ZFYVE9: variants seen among roughly 807,000 people sequenced by gnomAD.
The protein encoded by ZFYVE9 is zinc finger FYVE-type containing 9, also known as zinc finger FYVE domain-containing protein 9.
In ZFYVE9, 43 loss-of-function variants were observed where a neutral mutation model predicts 126.7. The ratio of observed to expected loss-of-function variants is 0.34; its 90% CI spans 0.27 to 0.44. ZFYVE9 has a LOEUF of 0.44. ZFYVE9 is among the 20% of genes least tolerant of loss of function. ZFYVE9 has a pLI of 1.00. For synonymous variants in ZFYVE9, 521 were observed against 597.4 expected (o/e 0.87, Z 1.87); for missense variants, 1,476 against 1,697.0 (o/e 0.87, Z 2.29).
intron 1 of ZFYVE9, among the ~76,000 whole-genome samples, chr1:52,198,659 A>AT (rs1359288613): frequency 6.6e-6 from 1 of 152,198 alleles, no homozygotes; most frequent in Non-Finnish European, 1.5e-5. Flanking sequence ...TAAGTGAAAT[A>AT]TATCACTTGC....
rs1644272797 is a variant in ZFYVE9 at position 52,142,830 on chromosome 1, G to A, written c.-143+427G>A. On this transcript the variant is annotated intron_variant, in intron 1 of 18. Transcript: ENST00000287727. The surrounding 1 kb of genome is among the most constrained non-coding windows in gnomAD (Gnocchi z 4.5). ...CGAGTCCCTCAGAATCCCGGTTGTG[G>A]CGGGGAAAGGGGGAGGAGAGGAAGG... is the stretch of plus-strand genomic sequence containing the variant. 6.6e-6 allele frequency among the ~76,000 whole-genome samples: 1 copy of A among 152,216 alleles called. No homozygotes were observed. Among genetic ancestry groups the A allele is most frequent in the African/African-American group, 2.4e-5 (1 of 41,462 alleles).
chr1:52,209,969 A>T (rs967382225), intron 1 of ZFYVE9, among the ~76,000 whole-genome samples: 4 of 152,178 alleles, frequency 2.6e-5, no homozygotes, highest in Non-Finnish European at 5.9e-5. Flanking sequence ...GGGCAGGGAG[A>T]CTAGGATTCT....
chr1:52,176,209 C>CT (rs1644626709), intron 1 of ZFYVE9, among the ~76,000 whole-genome samples: 1 of 152,194 alleles, frequency 6.6e-6, no homozygotes, highest in Non-Finnish European at 1.5e-5. Context: ...AGTTTTCCTT[C>CT]TAACAGATAG....
chr1:52,326,376 T>C (rs1031257730), intron 13 of ZFYVE9, among the ~76,000 whole-genome samples: 18 of 152,166 alleles, frequency 1.2e-4, no homozygotes, highest in Non-Finnish European at 2.5e-4. Context: ...AGAGTACTTA[T>C]TATATGTTTG....
Position 52,239,406 on chromosome 1 carries a change from A to G in ZFYVE9, c.1989A>G (p.Ala663=), listed in dbSNP as rs1266312823. 2 of 1,614,214 alleles carry G rather than the reference A, an allele frequency of 1.2e-6. No individual in the cohort carries two copies. Among genetic ancestry groups the G allele is most frequent in the African/African-American group, 1.3e-5 (1 of 75,068 alleles). ...AGATCTCCACTAGACCATGCCTTGC[A>G]TTAGCTCCAGATAGCCCAGATAATG... ...EAEISTRPCL[A]LAPDSPDNDL... The change falls in exon 4 of 19, where the codon GCA becomes GCG. Residue 663 remains alanine (A), a synonymous_variant. Transcript: ENST00000287727.
At chr1:52,346,005 C>CTG in intron 18 of ZFYVE9, 55 bp from the exon 19 acceptor site, 1 of 1,487,600 alleles carries the variant, frequency 6.7e-7, no homozygotes, top group South Asian at 1.4e-5. Context: ...GCCCTCAGCC[C>CTG]TGGAGAGGCC....
rs1275963016 is a variant in ZFYVE9 at position 52,346,263 on chromosome 1, C to A, written c.*42C>A. 1.3e-6 allele frequency: 2 copies of A among 1,512,542 alleles called. No individual in the cohort carries two copies. Among genetic ancestry groups the A allele is most frequent in the Admixed American group, 2.0e-5 (1 of 49,436 alleles). 93.7% of individuals were successfully genotyped at this position (1,512,542 alleles called of 1,614,324 possible). A position where few individuals can be genotyped will look rare whatever the true frequency, so the allele number is the denominator to read the frequency against. On this transcript the variant is annotated 3_prime_UTR_variant, in exon 19 of 19. Transcript: ENST00000287727. ...TTTTTTCTGTTCAGACTTGTTGCAA[C>A]AGCAGTCATACCCAAATCATTTGCA...
In ZFYVE9 at chr1:52,145,525, A is replaced by G. The variant is rs906026916; in HGVS notation, c.-143+3122A>G. The stretch of plus-strand genomic sequence containing the variant: ...TCAGATGTGAGCAGGAATCCTTACT[A>G]CACCTCTTAAAGCGATGTGACATTT... On this transcript the variant is annotated intron_variant, in intron 1 of 18. Coordinates refer to ENST00000287727, the MANE Select transcript of ZFYVE9 (RefSeq NM_004799.4). Among the ~76,000 whole-genome samples the G allele has an allele frequency of 2.0e-5, 3 of 152,182 alleles. No homozygotes were observed. The East Asian group carries it at 5.8e-4, about 29-fold the overall frequency.
chr1:52,165,768 T>C (rs1319959698), intron 1 of ZFYVE9, among the ~76,000 whole-genome samples: 1 of 139,078 alleles, frequency 7.2e-6, no homozygotes, highest in Non-Finnish European at 1.5e-5. Flanking sequence ...TTCAATTCAA[T>C]AGTGATCAGC....
chr1:52,288,270 A>G (rs930078832), intron 10 of ZFYVE9, among the ~76,000 whole-genome samples: 3 of 152,164 alleles, frequency 2.0e-5, no homozygotes, highest in Non-Finnish European at 4.4e-5. Flanking sequence ...CATGTTTCGA[A>G]CCATAAGAAG....
At chr1:52,325,930 C>G (rs1313735237) in intron 13 of ZFYVE9, among the ~76,000 whole-genome samples, 1 of 152,348 alleles carries the variant, frequency 6.6e-6, no homozygotes, top group Non-Finnish European at 1.5e-5. Context: ...TCACACACTT[C>G]TGCAGCATAA....
In ZFYVE9 at chr1:52,146,027, C is replaced by CCACACACACA. The variant is rs1168051378; in HGVS notation, c.-143+3645_-143+3654dup. Among the ~76,000 whole-genome samples the CCACACACACA allele has an allele frequency of 8.4e-3, 1,222 of 146,262 alleles. 27 individuals carry two copies. The highest frequency in any genetic ancestry group is 0.026 in the African/African-American group (1,030 of 39,474). On this transcript the variant is annotated intron_variant, in intron 1 of 18. Coordinates refer to ENST00000287727, the MANE Select transcript of ZFYVE9 (RefSeq NM_004799.4). ...CCTCCCAGCCAAGGCTCAAAAATAT[C>CCACACACACA]CACACACACACACACACACACACAC... is the stretch of plus-strand genomic sequence containing the variant.
intron 1 of ZFYVE9, among the ~76,000 whole-genome samples, chr1:52,200,316 C>T (rs1160805086): frequency 6.6e-6 from 1 of 152,052 alleles, no homozygotes; most frequent in Non-Finnish European, 1.5e-5. Flanking sequence ...GTAGCTGGGA[C>T]TATAGGCACA....
chr1:52,219,440 C>T (rs931816691), intron 2 of ZFYVE9, among the ~76,000 whole-genome samples: 3 of 151,522 alleles, frequency 2.0e-5, no homozygotes, highest in Non-Finnish European at 4.4e-5. Context: ...CTTTTTTGGC[C>T]GTTCAGATTG....
chr1:52,229,172 A>T (rs1173043925), intron 2 of ZFYVE9, among the ~76,000 whole-genome samples: 1 of 152,106 alleles, frequency 6.6e-6, no homozygotes, highest in African/African-American at 2.4e-5. Flanking sequence ...CTAGCCACAT[A>T]TAATATTTTG....
chr1:52,283,541 G>T (rs1460636134), intron 10 of ZFYVE9, among the ~76,000 whole-genome samples: 1 of 152,194 alleles, frequency 6.6e-6, no homozygotes, highest in Admixed American at 6.5e-5. Flanking sequence ...TGAACTAACT[G>T]CTGATGTACA....
chr1:52,302,979 G>A (rs145014076), intron 12 of ZFYVE9, among the ~76,000 whole-genome samples: 264 of 151,986 alleles, frequency 1.7e-3, no homozygotes, highest in Non-Finnish European at 2.7e-3. Context: ...GCATGGTGAC[G>A]CACATATGTA....
chr1:52,151,697 A>G (rs1272659854), intron 1 of ZFYVE9, among the ~76,000 whole-genome samples: 2 of 151,512 alleles, frequency 1.3e-5, no homozygotes, highest in Non-Finnish European at 2.9e-5. Context: ...TTGTATTTTT[A>G]GTAGAGACAA....
chr1:52,325,071 A>C (rs1346819959), intron 13 of ZFYVE9, among the ~76,000 whole-genome samples: 1 of 152,196 alleles, frequency 6.6e-6, no homozygotes, highest in African/African-American at 2.4e-5. Context: ...TGAGGTCAGG[A>C]GATCAAGACC....
Sources: gnomAD v4.1 joint callset for allele counts (sites outside exome capture counted in the v4.1 genomes callset) on GRCh38, gnomAD v4.1.1 for gene constraint, Gnocchi (gnomAD v3.1) non-coding constraint, MANE v1.5 for transcripts, NCBI Gene and HGNC (gene_info 2026-07-23, HGNC 2026-07-21) for gene names.